Variants in RALGPS2 observed in about 807,000 individuals in gnomAD.
RALGPS2 encodes the protein Ral GEF with PH domain and SH3 binding motif 2, also known as ras-specific guanine nucleotide-releasing factor RalGPS2.
RALGPS2 carries 43 observed loss-of-function variants against 86.8 expected under a neutral mutation model. The ratio of observed to expected loss-of-function variants is 0.50; its 90% confidence interval spans 0.39 to 0.64. RALGPS2 has a LOEUF of 0.64. Among genes scored for constraint, RALGPS2 ranks in the 30% least tolerant of loss-of-function variants. The pLI, the probability that RALGPS2 is intolerant of heterozygous loss-of-function variation, is 0.00. For missense variants in RALGPS2, 536 were observed against 694.6 expected (o/e 0.77, Z 2.57); for synonymous variants, 243 against 231.3 (o/e 1.05, Z -0.46).
At chr1:178,740,665 T>A (rs371682879) in intron 1 of RALGPS2, among the ~76,000 whole-genome samples, 1 of 152,218 alleles carries the variant, frequency 6.6e-6, no homozygotes, top group South Asian at 2.1e-4. Flanking sequence ...AGAGAAACCA[T>A]GTGGTTTGAG....
chr1:178,790,707 A>T (rs1274061861), intron 4 of RALGPS2, among the ~76,000 whole-genome samples: 1 of 152,252 alleles, frequency 6.6e-6, no homozygotes, highest in Non-Finnish European at 1.5e-5. Flanking sequence ...ACTGGATTAT[A>T]GAGCATCTTT....
intron 19 of RALGPS2, among the ~76,000 whole-genome samples, chr1:178,913,185 G>A (rs1572478950): frequency 1.3e-5 from 2 of 152,162 alleles, no homozygotes; most frequent in East Asian, 1.9e-4. Flanking sequence ...GGGAGGCTGA[G>A]GCAGGAGAAT....
chr1:178,879,931 C>A (rs73039863), intron 10 of RALGPS2: 6 of 151,688 alleles, frequency 4.0e-5, no homozygotes, highest in Non-Finnish European at 7.4e-5. Context: ...TTCGTTGATA[C>A]AGTTTACATC....
chr1:178,892,898 T>G (rs1463481048), intron 15 of RALGPS2, among the ~76,000 whole-genome samples: 2 of 152,072 alleles, frequency 1.3e-5, no homozygotes, highest in Admixed American at 6.6e-5. Context: ...AATCAGTTCA[T>G]AATACAACAA....
intron 8 of RALGPS2, among the ~76,000 whole-genome samples, chr1:178,867,000 C>T (rs936731714): frequency 6.6e-6 from 1 of 152,082 alleles, no homozygotes; most frequent in Non-Finnish European, 1.5e-5. Flanking sequence ...TTACAGGCCA[C>T]CTTTTCACTC....
At chr1:178,845,257 G>T (rs1656815380) in intron 8 of RALGPS2, among the ~76,000 whole-genome samples, 9 of 152,092 alleles carry the variant, frequency 5.9e-5, no homozygotes, top group Admixed American at 5.9e-4. Context: ...TCTTTTGGTG[G>T]ATCTAGATAT....
At position 178,883,552 on chromosome 1, in the gene RALGPS2, CT is replaced by C; in HGVS notation, c.904+21del. 6.3e-7 allele frequency: 1 copy of C among 1,581,354 alleles called. No homozygotes were observed. On this transcript the variant is annotated intron_variant, in intron 11 of 19. Transcript: ENST00000367635. ...TTAGTAGGTCAGTACGTAGTTTTCT[CT>C]TGTTACCAAATCTAAATCAGATAAC...
chr1:178,737,700 T>A (rs1650794315), intron 1 of RALGPS2, among the ~76,000 whole-genome samples: 1 of 152,256 alleles, frequency 6.6e-6, no homozygotes, highest in African/African-American at 2.4e-5. Flanking sequence ...TTTTAATTCA[T>A]CTTATTTTAA....
intron 1 of RALGPS2, among the ~76,000 whole-genome samples, chr1:178,771,059 G>A (rs141009026): frequency 0.015 from 2,218 of 151,416 alleles, 53 homozygotes; most frequent in African/African-American, 0.052. Flanking sequence ...CGCTGGTCTC[G>A]AACTCCTGAT....
intron 17 of RALGPS2, among the ~76,000 whole-genome samples, chr1:178,898,092 A>T (rs1441498829): frequency 6.6e-6 from 1 of 152,016 alleles, no homozygotes; most frequent in South Asian, 2.1e-4. Flanking sequence ...TTCCACCTCA[A>T]TCTCTGGTTC....
At chr1:178,827,399 T>TC (rs1190371515) in intron 7 of RALGPS2, among the ~76,000 whole-genome samples, 1 of 149,974 alleles carries the variant, frequency 6.7e-6, no homozygotes, top group African/African-American at 2.5e-5. Context: ...CTGATTTTTT[T>TC]TTTTTTTTTT....
At chr1:178,766,345 G>A (rs377393279) in intron 1 of RALGPS2, among the ~76,000 whole-genome samples, 1 of 151,568 alleles carries the variant, frequency 6.6e-6, no homozygotes, top group East Asian at 1.9e-4. Context: ...TCAGCCTCGC[G>A]AGTAGCTGGG....
At chr1:178,782,884 C>A (rs1438270431) in intron 2 of RALGPS2, among the ~76,000 whole-genome samples, 1 of 151,732 alleles carries the variant, frequency 6.6e-6, no homozygotes, top group Non-Finnish European at 1.5e-5. Flanking sequence ...AAAAATAAAC[C>A]CTTACAGTAA....
intron 16 of RALGPS2, among the ~76,000 whole-genome samples, chr1:178,896,238 G>A (rs925486199): frequency 6.6e-6 from 1 of 151,928 alleles, no homozygotes; most frequent in Non-Finnish European, 1.5e-5. Flanking sequence ...GTAGAAAATG[G>A]GCAAAACAGA....
chr1:178,851,268 G>A (rs1389855859), intron 8 of RALGPS2: 2 of 1,613,548 alleles, frequency 1.2e-6, no homozygotes, highest in Non-Finnish European at 1.7e-6. Context: ...GTTAGAATGT[G>A]CACAGGCATT....
intron 2 of RALGPS2, among the ~76,000 whole-genome samples, chr1:178,781,149 T>C (rs1653374556): frequency 6.6e-6 from 1 of 152,176 alleles, no homozygotes; most frequent in Non-Finnish European, 1.5e-5. Flanking sequence ...CTGTTGACTT[T>C]ACCAAAAGTG....
At chr1:178,755,401 T>G (rs1272763137) in intron 1 of RALGPS2, among the ~76,000 whole-genome samples, 2 of 152,152 alleles carry the variant, frequency 1.3e-5, no homozygotes, top group African/African-American at 4.8e-5. Flanking sequence ...CAAATACCCA[T>G]TGATTAGCTC....
Position 178,833,675 on chromosome 1 carries a change from A to C in RALGPS2, c.607+125A>C, listed in dbSNP as rs2102249720. 2.2e-6 allele frequency: 3 copies of C among 1,376,338 alleles called. No homozygotes were observed. In the East Asian group the frequency reaches 9.2e-5, roughly 42 times the overall value. The allele number at this position is 1,376,338 out of a possible 1,614,324, so 85.3% of individuals were successfully genotyped here. A position where few individuals can be genotyped will look rare whatever the true frequency, so the allele number is the denominator to read the frequency against. ...TTAAATAAATTACTTCAAGATTGGT[A>C]AGCTGAAAAAAATGACTAAAGATAG... On this transcript the variant is annotated intron_variant, in intron 8 of 19. Coordinates refer to ENST00000367635, the MANE Select transcript of RALGPS2 (RefSeq NM_152663.5).
intron 4 of RALGPS2, among the ~76,000 whole-genome samples, chr1:178,785,995 T>TA (rs1271322961): frequency 3.3e-5 from 5 of 152,216 alleles, no homozygotes; most frequent in African/African-American, 1.2e-4. Flanking sequence ...ACTCGGTTCT[T>TA]ACAATAAACT....
Sources: allele counts gnomAD v4.1 joint callset (sites outside exome capture counted in the v4.1 genomes callset), GRCh38; gene constraint gnomAD v4.1.1; transcripts MANE v1.5; gene names NCBI Gene and HGNC (gene_info 2026-07-23, HGNC 2026-07-21).